PDE4D: variants seen among roughly 807,000 people sequenced by gnomAD.
The protein encoded by PDE4D is phosphodiesterase 4D.
Under a neutral mutation model 87.4 loss-of-function variants are expected in PDE4D, and 24 were observed. That is an observed-to-expected ratio of 0.27 (90% CI 0.20 to 0.39). The LOEUF (loss-of-function observed/expected upper bound fraction) is 0.39, where lower values mean the gene tolerates loss of function less well. Among genes scored for constraint, PDE4D ranks in the 10% least tolerant of loss-of-function variants. The pLI is 1.00. For missense variants in PDE4D, 714 were observed against 1,041.0 expected, an observed-to-expected ratio of 0.69 and a Z score of 4.32; for synonymous variants, 384 against 383.2, an observed-to-expected ratio of 1.00 and a Z score of -0.02.
At chr5:59,709,759 G>C (rs537240187) in intron 1 of PDE4D, among the ~76,000 whole-genome samples, 2 of 152,234 alleles carry the variant, frequency 1.3e-5, no homozygotes, top group East Asian at 1.9e-4. Flanking sequence ...TGCTAAATGA[G>C]AATCGCTGGG....
chr5:60,102,701 A>G (rs576952028), intron 2 of PDE4D, among the ~76,000 whole-genome samples: 1 of 152,296 alleles, frequency 6.6e-6, no homozygotes, highest in Admixed American at 6.5e-5. Flanking sequence ...TAGAAAACAG[A>G]TAAAAGACTT....
intron 5 of PDE4D, among the ~76,000 whole-genome samples, chr5:59,075,126 TTTC>T (rs1443999646): frequency 7.5e-6 from 1 of 133,042 alleles, no homozygotes; most frequent in African/African-American, 3.0e-5. Context: ...ACACACACAA[TTTC>T]TTAATTATGT....
intron 1 of PDE4D, among the ~76,000 whole-genome samples, chr5:60,201,158 T>C (rs750683159): frequency 1.8e-4 from 24 of 133,016 alleles, no homozygotes; most frequent in Admixed American, 9.6e-4. Context: ...TCTATCACTA[T>C]AGGAAGACCA....
At chr5:60,084,104 C>T (rs1367566567) in intron 2 of PDE4D, among the ~76,000 whole-genome samples, 1 of 151,844 alleles carries the variant, frequency 6.6e-6, no homozygotes, top group Non-Finnish European at 1.5e-5. Flanking sequence ...TAGATTTTAC[C>T]CATGAGTTCA....
intron 5 of PDE4D, among the ~76,000 whole-genome samples, chr5:59,151,570 G>C (rs1447687021): frequency 6.6e-6 from 1 of 152,160 alleles, no homozygotes; most frequent in Non-Finnish European, 1.5e-5. Context: ...TGAGCTCTCT[G>C]GCAGGAATGA....
chr5:59,614,107 C>T (rs1157671377), intron 1 of PDE4D, among the ~76,000 whole-genome samples: 2 of 152,096 alleles, frequency 1.3e-5, no homozygotes, highest in African/African-American at 2.4e-5. Context: ...GAACTTTTTT[C>T]CAGGCAACTG....
chr5:60,148,669 T>C (rs1781229333), intron 2 of PDE4D, among the ~76,000 whole-genome samples: 1 of 152,218 alleles, frequency 6.6e-6, no homozygotes, highest in Non-Finnish European at 1.5e-5. Flanking sequence ...CTGTCGTTAA[T>C]AGTTAACCTT....
chr5:59,657,472 A>G (rs1414801016), intron 1 of PDE4D, among the ~76,000 whole-genome samples: 1 of 152,186 alleles, frequency 6.6e-6, no homozygotes, highest in Non-Finnish European at 1.5e-5. Flanking sequence ...TAAATCACTG[A>G]ACAGATTAAA....
intron 1 of PDE4D, among the ~76,000 whole-genome samples, chr5:59,668,155 TC>T (rs1217725473): frequency 2.0e-5 from 3 of 152,244 alleles, no homozygotes; most frequent in African/African-American, 7.2e-5. Context: ...CAGGTACTCC[TC>T]TGTAATTGGG....
At chr5:59,318,414 T>G (rs1431124285) in intron 1 of PDE4D, among the ~76,000 whole-genome samples, 1 of 152,172 alleles carries the variant, frequency 6.6e-6, no homozygotes, top group East Asian at 1.9e-4. Flanking sequence ...TAGTTTGCCA[T>G]GCAGTAATTA....
At chr5:60,459,147 A>T (rs56217581) in intron 1 of PDE4D, among the ~76,000 whole-genome samples, 6,296 of 152,264 alleles carry the variant, frequency 0.041, 236 homozygotes, top group East Asian at 0.18. Flanking sequence ...TACAATAGAG[A>T]AAGTCAATTC....
chr5:59,437,351 A>G (rs1796930066), intron 1 of PDE4D, among the ~76,000 whole-genome samples: 1 of 152,224 alleles, frequency 6.6e-6, no homozygotes, highest in Non-Finnish European at 1.5e-5. Context: ...TCATCCTTAA[A>G]AAGCATAGTC....
At chr5:59,647,808 TATGAG>T (rs1742726690) in intron 1 of PDE4D, among the ~76,000 whole-genome samples, 1 of 152,210 alleles carries the variant, frequency 6.6e-6, no homozygotes, top group South Asian at 2.1e-4. Context: ...AATTTTGTCT[TATGAG>T]ATGACTGAAT....
chr5:59,620,532 T>C lies in PDE4D; in HGVS notation c.455+272636A>G, dbSNP rs1830227663. ...GATGACAAAGTTCAGAGTGTGGCCA[T>C]GGAGGTGAATTGCCAAGGTAAAACT... On this transcript the variant is annotated intron_variant, in intron 1 of 14. Coordinates refer to ENST00000340635, the MANE Select transcript of PDE4D (RefSeq NM_001104631.2). Among the ~76,000 whole-genome samples the C allele has an allele frequency of 2.0e-5, 3 of 152,200 alleles. No homozygotes were observed. The South Asian group carries it at 6.2e-4, about 32-fold the overall frequency.
At position 59,668,854 on chromosome 5, in the gene PDE4D, A is replaced by G. The variant is rs867862391; in HGVS notation, c.455+224314T>C. Among the ~76,000 whole-genome samples the G allele has an allele frequency of 4.8e-3, 271 of 56,482 alleles. 3 individuals are homozygous for G. Among genetic ancestry groups the G allele is most frequent in the Admixed American group, 0.011 (65 of 5,892 alleles). 37.1% of individuals were successfully genotyped at this position (56,482 alleles called of 152,430 possible). A position where few individuals can be genotyped will look rare whatever the true frequency, so the allele number is the denominator to read the frequency against. ...AAGAGGAAGAGGAAGAGGAAGAAGA[A>G]GAAGAAGAAGAAGAAGAAGAAGAAG... On this transcript the variant is annotated intron_variant, in intron 1 of 14. Coordinates refer to ENST00000340635, the MANE Select transcript of PDE4D (RefSeq NM_001104631.2).
chr5:60,180,919 T>C (rs1784328610), intron 2 of PDE4D, among the ~76,000 whole-genome samples: 1 of 152,200 alleles, frequency 6.6e-6, no homozygotes, highest in African/African-American at 2.4e-5. Flanking sequence ...TTATTAGGAT[T>C]CTAAGCTGCA....
intron 1 of PDE4D, among the ~76,000 whole-genome samples, chr5:59,412,899 TCTGTTTTTCTTAGG>T (rs1311324742): frequency 3.9e-5 from 6 of 152,252 alleles, no homozygotes; most frequent in Non-Finnish European, 8.8e-5. Flanking sequence ...TCTTCTGAAC[TCTGTTTTTCTTAGG>T]CAGTTTTCTG....
rs556610078 is a variant in PDE4D, at chr5:59,324,712, G to A, written c.456-108744C>T. On this transcript the variant is annotated intron_variant, in intron 1 of 14. Coordinates refer to ENST00000340635, the MANE Select transcript of PDE4D (RefSeq NM_001104631.2). ...GAGAAAGATGAAAAAGACTCAGGCC[G>A]CCTTTGATAATGTCACTGAGTGACT... Among the ~76,000 whole-genome samples, 300 of 152,164 alleles carry A rather than the reference G, an allele frequency of 2.0e-3. 1 individual carries two copies. The highest frequency in any genetic ancestry group is 6.5e-3 in the African/African-American group (269 of 41,526).
At chr5:59,136,042 C>T (rs141834731) in intron 5 of PDE4D, among the ~76,000 whole-genome samples, 125 of 140,424 alleles carry the variant, frequency 8.9e-4, no homozygotes, top group Admixed American at 7.2e-3. Context: ...AAAAAAAACC[C>T]TAAACAAATT....
Sources: allele counts gnomAD v4.1 joint callset (sites outside exome capture counted in the v4.1 genomes callset), GRCh38; gene constraint gnomAD v4.1.1; transcripts MANE v1.5; gene names NCBI Gene and HGNC (gene_info 2026-07-23, HGNC 2026-07-21).